Variants in GAL3ST1 observed in about 807,000 individuals in gnomAD.
GAL3ST1 encodes the protein galactosylceramide sulfotransferase.
GAL3ST1 carries 13 observed loss-of-function variants against 25.0 expected under a neutral mutation model. That is an observed-to-expected ratio of 0.52 (90% CI 0.34 to 0.83). The LOEUF is 0.83. Among genes scored for constraint, GAL3ST1 ranks in the 40% least tolerant of loss-of-function variants. The pLI is 0.02. For synonymous variants in GAL3ST1, 274 were observed against 277.8 expected (o/e 0.99, Z 0.14); for missense variants, 474 against 613.6 (o/e 0.77, Z 2.40).
intron 3 of GAL3ST1, among the ~76,000 whole-genome samples, chr22:30,556,639 G>A (rs959214485): frequency 1.3e-5 from 2 of 152,156 alleles, no homozygotes; most frequent in Admixed American, 6.5e-5. Context: ...CCAGGGCCCC[G>A]TTGGCATCTC....
At chr22:30,559,448 C>T (rs1386245294) in intron 1 of GAL3ST1, among the ~76,000 whole-genome samples, 1 of 152,114 alleles carries the variant, frequency 6.6e-6, no homozygotes, top group Non-Finnish European at 1.5e-5. Flanking sequence ...ACCATGTTGG[C>T]CAGGATCATC....
intron 1 of GAL3ST1, among the ~76,000 whole-genome samples, chr22:30,573,705 T>C (rs1477796575): frequency 6.6e-6 from 1 of 152,202 alleles, no homozygotes; most frequent in African/African-American, 2.4e-5. Context: ...CTGGTGTGGG[T>C]TACAGCAGCC....
chr22:30,556,099 G>A lies in GAL3ST1; in HGVS notation c.132-6C>T, dbSNP rs1568991329. On this transcript the variant is annotated splice_region_variant and splice_polypyrimidine_tract_variant and intron_variant, in intron 3 of 3. Transcript: ENST00000406361. ...ACGCTGCGGCCTCCGGGGTCCTGCT[G>A]GGGACAGAGAGGTGGGGAGAGCCTC... 6.3e-7 allele frequency: 1 copy of A among 1,597,322 alleles called. No homozygotes were observed. Among genetic ancestry groups the A allele is most frequent in the Non-Finnish European group, 8.5e-7 (1 of 1,174,778 alleles).
At chr22:30,568,228 G>C (rs1223728986) in intron 1 of GAL3ST1, among the ~76,000 whole-genome samples, 2 of 152,256 alleles carry the variant, frequency 1.3e-5, no homozygotes, top group East Asian at 1.9e-4. Context: ...TCCTGGGGTA[G>C]GGGCCTCTGG....
intron 3 of GAL3ST1, 33 bp from the exon 4 acceptor site, chr22:30,556,126 G>T: frequency 1.3e-6 from 2 of 1,534,492 alleles, no homozygotes; most frequent in Non-Finnish European, 1.8e-6. Flanking sequence ...GAGAGCCTCA[G>T]GGGGGTGCTG....
chr22:30,556,256 G>C (rs531357043), intron 3 of GAL3ST1, among the ~76,000 whole-genome samples, 163 bp from the exon 4 acceptor site: 4 of 152,130 alleles, frequency 2.6e-5, no homozygotes, highest in Non-Finnish European at 5.9e-5. Flanking sequence ...CGGGTGGTTT[G>C]GCCTCTCTAG....
intron 1 of GAL3ST1, among the ~76,000 whole-genome samples, chr22:30,567,033 T>G (rs1312868747): frequency 1.3e-5 from 2 of 152,144 alleles, no homozygotes; most frequent in African/African-American, 4.8e-5. Context: ...CTTGGCTCAC[T>G]GCAACCTCTG....
intron 1 of GAL3ST1, chr22:30,560,144 A>T (rs890883209): frequency 1.2e-4 from 18 of 152,142 alleles, no homozygotes; most frequent in Non-Finnish European, 2.5e-4. Context: ...GCCCCATCTC[A>T]AAAAAAGGCA....
intron 1 of GAL3ST1, among the ~76,000 whole-genome samples, chr22:30,573,191 G>T (rs537913685): frequency 6.6e-6 from 1 of 152,132 alleles, no homozygotes; most frequent in Non-Finnish European, 1.5e-5. Flanking sequence ...AGGGAGGCGA[G>T]GGGGGGTGTC....
chr22:30,566,557 ACCTGTGCTTCCAGC>A (rs2086631334), intron 1 of GAL3ST1, among the ~76,000 whole-genome samples: 1 of 151,988 alleles, frequency 6.6e-6, no homozygotes, highest in South Asian at 2.1e-4. Context: ...CTGATGGTAG[ACCTGTGCTTCCAGC>A]CCTGCCAGAG....
At chr22:30,566,483 G>T (rs2086628381) in intron 1 of GAL3ST1, among the ~76,000 whole-genome samples, 1 of 152,218 alleles carries the variant, frequency 6.6e-6, no homozygotes, top group African/African-American at 2.4e-5. Context: ...AACAAGAAGT[G>T]AGATCGTGGC....
Position 30,574,249 on chromosome 22 carries a change from T to TG in GAL3ST1, c.-120+216dup, listed in dbSNP as rs113757100. Among the ~76,000 whole-genome samples, 16 of 152,068 alleles carry TG rather than the reference T, an allele frequency of 1.1e-4. 3 individuals are homozygous for TG. The highest frequency in any genetic ancestry group is 8.5e-4 in the Admixed American group (13 of 15,302). ...GGGACAGGGGAAAAAACCAAGGGCA[T>TG]GGGGGGCACCAACCTGTGCCCTCCC... On this transcript the variant is annotated intron_variant, in intron 1 of 3. Transcript: ENST00000406361.
In GAL3ST1 at chr22:30,555,536, G is replaced by C. The variant is rs1458027588; in HGVS notation, c.689C>G (p.Pro230Arg). ...GTGCTCCTGCACCTGCGGGCTGCTG[G>C]GGTCCAGGCTGTTGTCATAGCCCAG... Reference protein sequence around the residue: ...FDLGYDNSLDPSSPQVQEHIL... With the variant: ...FDLGYDNSLDRSSPQVQEHIL... Residue 230 changes from proline to arginine, a missense_variant, in exon 4 of 4, where the codon CCC becomes CGC. Physicochemically the swap from Pro to Arg is moderately radical, Grantham distance 103 (BLOSUM62 -2). This residue lies in a region of GAL3ST1 where 359 missense variants were observed against 504.4 expected (regional missense o/e 0.71). Coordinates refer to ENST00000406361, the MANE Select transcript of GAL3ST1 (RefSeq NM_001318104.2). The surrounding 1 kb of genome is among the most constrained non-coding windows in gnomAD (Gnocchi z 8.6). 1 of 1,613,696 alleles carries C rather than the reference G, an allele frequency of 6.2e-7. No individual in the cohort carries two copies.
Position 30,572,389 on chromosome 22 carries a change from A to T in GAL3ST1, c.-120+2077T>A, listed in dbSNP as rs555378931. On this transcript the variant is annotated intron_variant, in intron 1 of 3. Coordinates refer to ENST00000406361, the MANE Select transcript of GAL3ST1 (RefSeq NM_001318104.2). The stretch of plus-strand genomic sequence containing the variant: ...CCTGGTAACAAATGCTGGCTCCACC[A>T]CCCCCCAAGCTGGGTGACCTTGGGC... Among the ~76,000 whole-genome samples the T allele has an allele frequency of 5.3e-5, 8 of 151,634 alleles. 1 individual carries two copies. The highest frequency in any genetic ancestry group is 5.3e-4 in the Admixed American group (8 of 15,214).
Position 30,556,096 on chromosome 22 carries a change from G to A in GAL3ST1, c.132-3C>T. 2 of 1,598,300 alleles carry A rather than the reference G, an allele frequency of 1.3e-6. No homozygotes were observed. Among genetic ancestry groups the A allele is most frequent in the Admixed American group, 1.7e-5 (1 of 59,820 alleles). ...AGGACGCTGCGGCCTCCGGGGTCCT[G>A]CTGGGGACAGAGAGGTGGGGAGAGC... On this transcript the variant is annotated splice_region_variant and splice_polypyrimidine_tract_variant and intron_variant, in intron 3 of 3. Transcript: ENST00000406361.
At chr22:30,572,090 C>T (rs150171569) in intron 1 of GAL3ST1, among the ~76,000 whole-genome samples, 1 of 152,132 alleles carries the variant, frequency 6.6e-6, no homozygotes, top group South Asian at 2.1e-4. Context: ...CTTAGAGAAG[C>T]GCTAACTGGG....
intron 1 of GAL3ST1, among the ~76,000 whole-genome samples, chr22:30,559,267 A>G (rs2086230431): frequency 6.6e-6 from 1 of 151,968 alleles, no homozygotes; most frequent in South Asian, 2.1e-4. Flanking sequence ...TTTGAGACGG[A>G]GTCTCGCTCT....
At position 30,557,420 on chromosome 22, in the gene GAL3ST1, G is replaced by C. The variant is rs552608750; in HGVS notation, c.-9-19C>G. The C allele has an allele frequency of 1.2e-6, 2 of 1,613,632 alleles. No individual in the cohort carries two copies. Among genetic ancestry groups the C allele is most frequent in the East Asian group, 4.5e-5 (2 of 44,888 alleles). Reference sequence around the variant, plus strand: ...CAGACACCTGCAGGGGCAGCACAGAGTAGGGCAAGTGTCAGGAAGCTGGCC... The same window carrying C: ...CAGACACCTGCAGGGGCAGCACAGACTAGGGCAAGTGTCAGGAAGCTGGCC... On this transcript the variant is annotated intron_variant, in intron 2 of 3. Transcript: ENST00000406361.
chr22:30,559,363 C>G (rs1384321743), intron 1 of GAL3ST1, among the ~76,000 whole-genome samples: 1 of 152,018 alleles, frequency 6.6e-6, no homozygotes, highest in African/African-American at 2.4e-5. Flanking sequence ...GCCTCAGCCT[C>G]CCAAGTAGCT....
Sources: gnomAD v4.1 joint callset for allele counts (sites outside exome capture counted in the v4.1 genomes callset) on GRCh38, gnomAD v4.1.1 for gene constraint, gnomAD v4.1.1 regional missense constraint, Gnocchi (gnomAD v3.1) non-coding constraint, MANE v1.5 for transcripts, NCBI Gene and HGNC (gene_info 2026-07-23, HGNC 2026-07-21) for gene names.